SMCHD1: variants seen among roughly 807,000 people sequenced by gnomAD.
SMCHD1 encodes structural maintenance of chromosomes flexible hinge domain-containing protein 1.
A neutral mutation model predicts 254.7 loss-of-function variants in SMCHD1; 78 were observed. The ratio of observed to expected loss-of-function variants is 0.31; its 90% CI spans 0.26 to 0.37. SMCHD1 has a LOEUF of 0.37. SMCHD1 is among the 10% of genes least tolerant of loss of function. SMCHD1 has a pLI of 1.00. For synonymous variants in SMCHD1, 766 were observed against 794.9 expected, an observed-to-expected ratio of 0.96 and a Z score of 0.61; for missense variants, 1,840 against 2,408.1, an observed-to-expected ratio of 0.76 and a Z score of 4.94.
rs971778562 is a variant in SMCHD1, at chr18:2,707,555, C to T, written c.2064-8C>T. 1 of 1,576,196 alleles carries T rather than the reference C, an allele frequency of 6.3e-7. No homozygotes were observed. Among genetic ancestry groups the T allele is most frequent in the South Asian group, 1.2e-5 (1 of 86,404 alleles). ...TTGTGGAACATTAATATGCTGGTTT[C>T]ATAACAGGCTCCCTGATAGATTGTC... On this transcript the variant is annotated splice_polypyrimidine_tract_variant and splice_region_variant and intron_variant, in intron 15 of 47. Coordinates refer to ENST00000320876, the MANE Select transcript of SMCHD1 (RefSeq NM_015295.3).
At chr18:2,763,486 A>G in intron 36 of SMCHD1, 151 bp from the exon 37 acceptor site, 1 of 603,038 alleles carries the variant, frequency 1.7e-6, no homozygotes, top group Non-Finnish European at 2.6e-6. Context: ...GGAACACTCA[A>G]ACTTAGAACT....
At chr18:2,689,219 T>C (rs1256170669) in intron 7 of SMCHD1, among the ~76,000 whole-genome samples, 1 of 123,828 alleles carries the variant, frequency 8.1e-6, no homozygotes, top group African/African-American at 2.6e-5. Flanking sequence ...TGATTTTTTT[T>C]CTTTTTTTTT....
chr18:2,705,086 GT>G (rs139716355), intron 13 of SMCHD1, among the ~76,000 whole-genome samples: 28,248 of 152,096 alleles, frequency 0.19, 2,862 homozygotes, highest in South Asian at 0.26. Flanking sequence ...ATGTGCGTAG[GT>G]TAAGTGCAGA....
At chr18:2,684,057 T>C (rs777535645) in intron 5 of SMCHD1, among the ~76,000 whole-genome samples, 1 of 152,174 alleles carries the variant, frequency 6.6e-6, no homozygotes, top group Non-Finnish European at 1.5e-5. Flanking sequence ...TTTTTGAATT[T>C]GAGATGCTCA....
chr18:2,756,413 A>G (rs967532340), intron 34 of SMCHD1, among the ~76,000 whole-genome samples: 3 of 152,170 alleles, frequency 2.0e-5, no homozygotes, highest in Non-Finnish European at 2.9e-5. Flanking sequence ...GTTTATTCTT[A>G]GGAGAATCTT....
At chr18:2,667,124 T>TAATAAAGTG in intron 3 of SMCHD1, 93 bp downstream of exon 3, 1 of 844,746 alleles carries the variant, frequency 1.2e-6, no homozygotes, top group Non-Finnish European at 1.8e-6. Flanking sequence ...GTAAATCTTC[T>TAATAAAGTG]TATTACACTT....
rs1460743863 is a variant in SMCHD1, at chr18:2,724,955, G to C, written c.2660G>C (p.Gly887Ala). ...ITKGPNCVIR[G>A]VTAKGPVNSC... Reference sequence around the variant, plus strand: ...AAAGGACCAAATTGTGTAATTCGAGGTGTTACAGCCAAGGGCCCTGTAAAC... The same window carrying C: ...AAAGGACCAAATTGTGTAATTCGAGCTGTTACAGCCAAGGGCCCTGTAAAC... The change falls in exon 21 of 48, where the codon GGT (glycine) becomes GCT (alanine). Residue 887 changes from glycine to alanine, a missense_variant. Gly to Ala is a moderately conservative substitution (Grantham distance 60). Transcript: ENST00000320876. 10 of 1,593,762 alleles carry C rather than the reference G, an allele frequency of 6.3e-6. No homozygotes were observed. The highest frequency in any genetic ancestry group is 1.7e-5 in the Admixed American group (1 of 58,496).
At chr18:2,667,437 A>G (rs2847116) in intron 3 of SMCHD1, among the ~76,000 whole-genome samples, 26,197 of 152,152 alleles carry the variant, frequency 0.17, 5,519 homozygotes, top group African/African-American at 0.5. Context: ...CCATGTCTTT[A>G]TCATTTCTTT....
rs769401596 is a variant in SMCHD1 at position 2,656,090 on chromosome 18, C to A, written c.15C>A (p.Asp5Glu). 1.4e-6 allele frequency: 2 copies of A among 1,401,816 alleles called. No homozygotes were observed. The highest frequency in any genetic ancestry group is 3.3e-5 in the Admixed American group (1 of 30,136). 86.8% of individuals were successfully genotyped at this position (1,401,816 alleles called of 1,614,324 possible). The change falls in exon 1 of 48, where the codon GAC becomes GAA. Residue 5 changes from aspartate to glutamate, a missense_variant. This residue lies in a region of SMCHD1 where 115 missense variants were observed against 99.1 expected (regional missense o/e 1.16). Coordinates refer to ENST00000320876, the MANE Select transcript of SMCHD1 (RefSeq NM_015295.3). ...TTTTCCCCAATATGGCAGCGGCGGA[C>A]GGCGGCGGGCCTGGTGGGGCCTCTG... MAAA[D>E]GGGPGGASVG...
chr18:2,720,809 G>A (rs931667532), intron 19 of SMCHD1, among the ~76,000 whole-genome samples: 1 of 152,084 alleles, frequency 6.6e-6, no homozygotes, highest in East Asian at 1.9e-4. Context: ...TACAGACAGG[G>A]TCTCACTATG....
intron 26 of SMCHD1, among the ~76,000 whole-genome samples, chr18:2,739,221 G>T (rs1393172145): frequency 6.6e-6 from 1 of 152,004 alleles, no homozygotes; most frequent in Non-Finnish European, 1.5e-5. Flanking sequence ...TAAGTTTTTG[G>T]TCCATATTCT....
rs1033811860 is a variant in SMCHD1, at chr18:2,803,249, CAA to C, written c.*698_*699del. 2.1e-4 allele frequency: 30 copies of C among 146,210 alleles called. No individual in the cohort carries two copies. Among genetic ancestry groups the C allele is most frequent in the African/African-American group, 7.2e-4 (29 of 40,100 alleles). The allele number at this position is 146,210 out of a possible 1,614,324, so 9.1% of individuals were successfully genotyped here. The stretch of plus-strand genomic sequence containing the variant: ...ATATATATAAAATATTCAGCAGCAC[CAA>C]GTTTTATAACTATTGTTTGTTTGAC... On this transcript the variant is annotated 3_prime_UTR_variant, in exon 48 of 48. Transcript: ENST00000320876.
At chr18:2,721,919 T>G (rs1410033646) in intron 19 of SMCHD1, among the ~76,000 whole-genome samples, 4 of 152,194 alleles carry the variant, frequency 2.6e-5, no homozygotes, top group Non-Finnish European at 5.9e-5. Context: ...AGTTTCTGAT[T>G]CAGCAGGTTT....
At chr18:2,699,331 T>C (rs1439942028) in intron 10 of SMCHD1, among the ~76,000 whole-genome samples, 3 of 152,124 alleles carry the variant, frequency 2.0e-5, no homozygotes, top group Admixed American at 2.0e-4. Context: ...TCCACTGGCC[T>C]TTTTGGTTTT....
intron 44 of SMCHD1, among the ~76,000 whole-genome samples, chr18:2,781,266 G>A (rs2076153303): frequency 6.6e-6 from 1 of 152,136 alleles, no homozygotes; most frequent in Admixed American, 6.5e-5. Flanking sequence ...TTGAACTTTG[G>A]CACTAAGCGG....
rs1042890189 is a variant in SMCHD1 at position 2,655,789 on chromosome 18, G to GCTGGGC, written c.-285_-280dup. ...GAGGCTCGCGTGGGCGGCGATAGGCGCTGGGCCCGGGCCCGGTGAGGAGCG... is the reference window on the plus strand; with the variant it reads ...GAGGCTCGCGTGGGCGGCGATAGGCGCTGGGCCTGGGCCCGGGCCCGGTGAGGAGCG... On this transcript the variant is annotated 5_prime_UTR_variant, in exon 1 of 48. Transcript: ENST00000320876. 7.2e-6 allele frequency: 2 copies of GCTGGGC among 279,248 alleles called. No homozygotes were observed. The highest frequency in any genetic ancestry group is 1.3e-5 in the Non-Finnish European group (2 of 150,314). 17.3% of individuals were successfully genotyped at this position (279,248 alleles called of 1,614,324 possible). A position where few individuals can be genotyped will look rare whatever the true frequency, so the allele number is the denominator to read the frequency against.
At chr18:2,669,664 G>A (rs993807083) in intron 3 of SMCHD1, among the ~76,000 whole-genome samples, 6 of 152,172 alleles carry the variant, frequency 3.9e-5, no homozygotes, top group Non-Finnish European at 8.8e-5. Context: ...GGAAGAGGTA[G>A]GAAATGGTCA....
intron 40 of SMCHD1, 119 bp downstream of exon 40, chr18:2,771,737 A>T: frequency 4.2e-6 from 3 of 721,246 alleles, no homozygotes; most frequent in Non-Finnish European, 6.4e-6. Flanking sequence ...AAAGACGTGC[A>T]TTATCGTCAC....
chr18:2,725,864 A>C (rs2075018178), intron 21 of SMCHD1, among the ~76,000 whole-genome samples: 1 of 151,916 alleles, frequency 6.6e-6, no homozygotes, highest in Non-Finnish European at 1.5e-5. Context: ...CTTTAGAGGA[A>C]ATTACTTACA....
Sources: gnomAD v4.1 joint callset for allele counts (sites outside exome capture counted in the v4.1 genomes callset) on GRCh38, gnomAD v4.1.1 for gene constraint, gnomAD v4.1.1 regional missense constraint, MANE v1.5 for transcripts, NCBI Gene and HGNC (gene_info 2026-07-23, HGNC 2026-07-21) for gene names.